The following TMEM62 variants were observed in gnomAD, a reference collection of about 807,000 sequenced individuals.
The protein encoded by TMEM62 is transmembrane protein 62.
TMEM62 carries 41 observed loss-of-function variants against 70.4 expected under a neutral mutation model. The observed-to-expected ratio is 0.58, with a 90% confidence interval of 0.45 to 0.76. The LOEUF is 0.76. Among genes scored for constraint, TMEM62 ranks in the 30% least tolerant of loss-of-function variants. The pLI is 0.00. For missense variants in TMEM62, 688 were observed against 788.5 expected, an observed-to-expected ratio of 0.87 and a Z score of 1.53; for synonymous variants, 268 against 291.0, an observed-to-expected ratio of 0.92 and a Z score of 0.80.
intron 11 of TMEM62, among the ~76,000 whole-genome samples, chr15:43,170,691 T>G (rs1211165541): frequency 6.6e-6 from 1 of 152,242 alleles, no homozygotes; most frequent in Non-Finnish European, 1.5e-5. Context: ...TGAAGTGTGA[T>G]TGCTCCTCCT....
chr15:43,169,514 G>T, intron 10 of TMEM62, 79 bp from the exon 11 acceptor site: 1 of 1,288,838 alleles, frequency 7.8e-7, no homozygotes, highest in African/African-American at 1.5e-5. Flanking sequence ...TTCCATTTTT[G>T]TTAATAAGGC....
Position 43,144,521 on chromosome 15 carries a change from G to C in TMEM62, c.477-1972G>C, listed in dbSNP as rs138141045. 2.4e-3 allele frequency among the ~76,000 whole-genome samples: 365 copies of C among 152,284 alleles called. 1 individual carries two copies. Among genetic ancestry groups the C allele is most frequent in the African/African-American group, 8.5e-3 (355 of 41,560 alleles). On this transcript the variant is annotated intron_variant, in intron 4 of 13. Coordinates refer to ENST00000260403, the MANE Select transcript of TMEM62 (RefSeq NM_024956.4). ...GATAAAAAGGAAAAAAGAGATATTGGAGTTATGTGGACTAAATAGGAGGGT... is the reference window on the plus strand; with the variant it reads ...GATAAAAAGGAAAAAAGAGATATTGCAGTTATGTGGACTAAATAGGAGGGT...
Position 43,133,942 on chromosome 15 carries a change from C to A in TMEM62, c.140C>A (p.Ala47Glu), listed in dbSNP as rs960309435. 2.7e-6 allele frequency: 4 copies of A among 1,471,114 alleles called. No individual in the cohort carries two copies. The highest frequency in any genetic ancestry group is 3.6e-6 in the Non-Finnish European group (4 of 1,120,996). The allele number at this position is 1,471,114 out of a possible 1,614,324, so 91.1% of individuals were successfully genotyped here. The stretch of plus-strand genomic sequence containing the variant: ...GCGCCCCCCAGGAGGCCGCACCCTG[C>A]GCCAGGGCCCGGAGACAGCAACATC... ...RPAPPRRPHPAPGPGDSNIFW... is the reference protein window; with the variant it reads ...RPAPPRRPHPEPGPGDSNIFW... Residue 47 changes from alanine to glutamate, a missense_variant, in exon 1 of 14, where the codon GCG becomes GAG. By Grantham distance (107) the Ala-to-Glu change is moderately radical. Coordinates refer to ENST00000260403, the MANE Select transcript of TMEM62 (RefSeq NM_024956.4).
intron 10 of TMEM62, among the ~76,000 whole-genome samples, chr15:43,163,190 TA>T (rs5812240): frequency 1.3e-5 from 2 of 150,626 alleles, no homozygotes; most frequent in Middle Eastern, 3.4e-3. Flanking sequence ...AAAATAAAAA[TA>T]AAAAAAAAGA....
At chr15:43,183,280 T>A (rs1009839666) in intron 13 of TMEM62, among the ~76,000 whole-genome samples, 3 of 152,242 alleles carry the variant, frequency 2.0e-5, no homozygotes, top group African/African-American at 7.2e-5. Flanking sequence ...CTTGCCTGGG[T>A]CTTCTCCCTG....
chr15:43,171,290 C>A (rs1227557013), intron 11 of TMEM62, among the ~76,000 whole-genome samples: 1 of 151,422 alleles, frequency 6.6e-6, no homozygotes, highest in Non-Finnish European at 1.5e-5. Context: ...GAGCCGAGAT[C>A]ATGTCACTGC....
In TMEM62 at chr15:43,160,697, G is replaced by A. The variant is rs2038600156; in HGVS notation, c.1199G>A (p.Ser400Asn). The A allele has an allele frequency of 1.2e-6, 2 of 1,606,104 alleles. No homozygotes were observed. Among genetic ancestry groups the A allele is most frequent in the East Asian group, 2.2e-5 (1 of 44,700 alleles). ...TATTACTAGGATTCTGCTGGAAGAAGTAAGAGTGTTCACCACATATTTTCT... is the reference window on the plus strand; with the variant it reads ...TATTACTAGGATTCTGCTGGAAGAAATAAGAGTGTTCACCACATATTTTCT... ...EVIVQDSAGR[S>N]KSVHHIFSVQ... is the part of the protein sequence containing the mutation. Residue 400 changes from serine to asparagine, a missense_variant, in exon 10 of 14, where the codon AGT becomes AAT. Transcript: ENST00000260403.
chr15:43,154,932 A>T (rs2037853843), intron 9 of TMEM62, 101 bp downstream of exon 9: 3 of 1,082,950 alleles, frequency 2.8e-6, no homozygotes, highest in Admixed American at 3.1e-5. Context: ...AACCATGTTT[A>T]AAAAAAAACT....
At chr15:43,150,896 G>C (rs1199051284) in intron 7 of TMEM62, among the ~76,000 whole-genome samples, 1 of 152,136 alleles carries the variant, frequency 6.6e-6, no homozygotes, top group East Asian at 1.9e-4. Context: ...AGAATTTCGT[G>C]AGCACTATTG....
intron 9 of TMEM62, among the ~76,000 whole-genome samples, chr15:43,158,953 C>G (rs1184719813): frequency 6.6e-6 from 1 of 152,132 alleles, no homozygotes; most frequent in African/African-American, 2.4e-5. Flanking sequence ...ATTGTTCCAC[C>G]TTTGGCTAGT....
Position 43,133,707 on chromosome 15 carries a change from A to G in TMEM62, c.-96A>G, listed in dbSNP as rs2034716068. On this transcript the variant is annotated 5_prime_UTR_variant, in exon 1 of 14. Coordinates refer to ENST00000260403, the MANE Select transcript of TMEM62 (RefSeq NM_024956.4). ...CCCCGCATCCAGCTCTGGCCCTGCG[A>G]CAATAGAGTCCGGAAGTGCAGGCAA... is the stretch of plus-strand genomic sequence containing the variant. 2 of 884,006 alleles carry G rather than the reference A, an allele frequency of 2.3e-6. No homozygotes were observed. Among genetic ancestry groups the G allele is most frequent in the Non-Finnish European group, 3.0e-6 (2 of 666,414 alleles). The allele number at this position is 884,006 out of a possible 1,614,324, so 54.8% of individuals were successfully genotyped here. A position where few individuals can be genotyped will look rare whatever the true frequency, so the allele number is the denominator to read the frequency against.
At position 43,154,825 on chromosome 15, in the gene TMEM62, C is replaced by T. The variant is rs147758442; in HGVS notation, c.1176C>T (p.Ile392=). The change falls in exon 9 of 14, where the codon ATC becomes ATT. Residue 392 remains isoleucine (I), a synonymous_variant. Coordinates refer to ENST00000260403, the MANE Select transcript of TMEM62 (RefSeq NM_024956.4). ...YSSGTHNIEV[I]VQDSAGRSKS... ...GTGGGACACATAACATAGAAGTAATCGTCCAGGTAAGTTAGTAATTTATAT... is the reference window on the plus strand; with the variant it reads ...GTGGGACACATAACATAGAAGTAATTGTCCAGGTAAGTTAGTAATTTATAT... 7.5e-6 allele frequency: 12 copies of T among 1,598,594 alleles called. No homozygotes were observed. In the Admixed American group the frequency reaches 1.2e-4, roughly 17 times the overall value.
In TMEM62 at chr15:43,178,692, G is replaced by T; in HGVS notation, c.1467G>T (p.Leu489Phe). The T allele has an allele frequency of 6.2e-7, 1 of 1,610,740 alleles. No individual in the cohort carries two copies. The highest frequency in any genetic ancestry group is 1.1e-5 in the South Asian group (1 of 90,890). The change falls in exon 12 of 14, where the codon TTG (leucine) becomes TTT (phenylalanine). Residue 489 changes from leucine (L) to phenylalanine (F), a missense_variant. Physicochemically the swap from Leu to Phe is conservative, Grantham distance 22. Transcript: ENST00000260403. ...TCTTCTACTATTCTGTGTTGTTGTT[G>T]ACCCTGTATACAGTGCTGGGTAAGT... ...INIFYYSVLL[L>F]TLYTVLGPWF...
intron 4 of TMEM62, among the ~76,000 whole-genome samples, chr15:43,141,751 T>A (rs1487969560): frequency 6.6e-6 from 1 of 152,124 alleles, no homozygotes; most frequent in Non-Finnish European, 1.5e-5. Context: ...TTAAGAACAG[T>A]TGCAATTAAT....
At chr15:43,178,181 TG>T (rs1324246468) in intron 11 of TMEM62, among the ~76,000 whole-genome samples, 1 of 152,036 alleles carries the variant, frequency 6.6e-6, no homozygotes, top group East Asian at 1.9e-4. Context: ...AACAGAGACT[TG>T]ATCATCCTTT....
chr15:43,137,059 G>A (rs1319657642), intron 3 of TMEM62, among the ~76,000 whole-genome samples: 1 of 152,102 alleles, frequency 6.6e-6, no homozygotes, highest in Non-Finnish European at 1.5e-5. Context: ...AGCTTAAAAA[G>A]TTTAAATTGC....
intron 2 of TMEM62, 66 bp from the exon 3 acceptor site, chr15:43,135,446 C>T: frequency 6.7e-7 from 1 of 1,502,024 alleles, no homozygotes; most frequent in Non-Finnish European, 8.8e-7. Flanking sequence ...GTGTACATAT[C>T]TAAAAAAAAT....
rs200879040 is a variant in TMEM62 at position 43,154,739 on chromosome 15, C to A, written c.1090C>A (p.Gln364Lys). 6.2e-7 allele frequency: 1 copy of A among 1,613,946 alleles called. No homozygotes were observed. The highest frequency in any genetic ancestry group is 1.3e-5 in the African/African-American group (1 of 75,042). Residue 364 changes from glutamine (Q) to lysine (K), a missense_variant, in exon 9 of 14, where the codon CAG becomes AAG. Gln to Lys is a moderately conservative substitution (Grantham distance 53). Transcript: ENST00000260403. ...TAAGATTGATGGAGTTCATTTAGGC[C>A]AGGCTGTTCATGTGTCTGGTCCCAT... ...TVKIDGVHLG[Q>K]AVHVSGPIFV...
At chr15:43,177,854 G>A (rs763177359) in intron 11 of TMEM62, among the ~76,000 whole-genome samples, 1 of 151,836 alleles carries the variant, frequency 6.6e-6, no homozygotes, top group Non-Finnish European at 1.5e-5. Flanking sequence ...GTTGTGGGGT[G>A]GGGTCAGGGG....
Sources: allele counts gnomAD v4.1 joint callset (sites outside exome capture counted in the v4.1 genomes callset), GRCh38; gene constraint gnomAD v4.1.1; transcripts MANE v1.5; gene names NCBI Gene and HGNC (gene_info 2026-07-23, HGNC 2026-07-21).